PIK3CB: variants seen among roughly 807,000 people sequenced by gnomAD.
PIK3CB encodes the protein phosphatidylinositol 4,5-bisphosphate 3-kinase catalytic subunit beta isoform.
PIK3CB carries 39 observed loss-of-function variants against 136.8 expected under a neutral mutation model. The ratio of observed to expected loss-of-function variants is 0.29; its 90% CI spans 0.22 to 0.37. PIK3CB has a LOEUF of 0.37. Among genes scored for constraint, PIK3CB ranks in the 10% least tolerant of loss-of-function variants. The probability of loss-of-function intolerance (pLI) is 1.00; values close to 1 mark genes in which losing one functional copy is unlikely to be tolerated. For synonymous variants in PIK3CB, 428 were observed against 436.6 expected, an observed-to-expected ratio of 0.98 and a Z score of 0.25; for missense variants, 868 against 1,275.4, an observed-to-expected ratio of 0.68 and a Z score of 4.87.
chr3:138,718,840 G>A (rs1488511589), intron 8 of PIK3CB, among the ~76,000 whole-genome samples: 1 of 152,134 alleles, frequency 6.6e-6, no homozygotes, highest in African/African-American at 2.4e-5. Context: ...CTTTGCTGAA[G>A]ATCAGATGGT....
Position 138,704,048 on chromosome 3 carries a change from G to A in PIK3CB, c.1581+395C>T, listed in dbSNP as rs765817212. 2.6e-5 allele frequency among the ~76,000 whole-genome samples: 4 copies of A among 152,290 alleles called. No individual in the cohort carries two copies. The East Asian group carries it at 5.8e-4, about 22-fold the overall frequency. ...GAAAATACATGTTAAATATGGCAGA[G>A]CACTAAGATGGAAGAAATTTGGGTC... On this transcript the variant is annotated intron_variant, in intron 12 of 23. Transcript: ENST00000674063.
intron 2 of PIK3CB, among the ~76,000 whole-genome samples, chr3:138,766,228 G>C (rs886604334): frequency 1.4e-4 from 21 of 152,188 alleles, no homozygotes; most frequent in African/African-American, 4.8e-4. Flanking sequence ...TCAGGATAAG[G>C]CATCCTCTCC....
chr3:138,667,207 C>CAAA (rs149370978), intron 19 of PIK3CB, among the ~76,000 whole-genome samples: 14 of 72,628 alleles, frequency 1.9e-4, no homozygotes, highest in Admixed American at 5.2e-4. Flanking sequence ...GACTCTGTCT[C>CAAA]AAAAAAAAAA....
rs71146142 is a variant in PIK3CB at position 138,788,656 on chromosome 3, C to CAAA, written c.-17+7804_-17+7806dup. Among the ~76,000 whole-genome samples, 193 of 37,602 alleles carry CAAA rather than the reference C, an allele frequency of 5.1e-3. 2 individuals carry two copies. Among genetic ancestry groups the CAAA allele is most frequent in the Non-Finnish European group, 6.0e-3 (135 of 22,490 alleles). 24.7% of individuals were successfully genotyped at this position (37,602 alleles called of 152,430 possible). ...TGGGTGACAGAGCAAGACTTTGTCT[C>CAAA]AAAAAAAAAAAAAAAAAAAAAAAAG... On this transcript the variant is annotated intron_variant, in intron 2 of 23. Coordinates refer to ENST00000674063, the MANE Select transcript of PIK3CB (RefSeq NM_006219.3).
intron 4 of PIK3CB, among the ~76,000 whole-genome samples, chr3:138,744,877 CAT>C (rs1282123500): frequency 6.6e-6 from 1 of 152,202 alleles, no homozygotes; most frequent in African/African-American, 2.4e-5. Context: ...TAATTCCTCT[CAT>C]GTGGTGTTTA....
At chr3:138,689,118 T>C in intron 15 of PIK3CB, 144 bp from the exon 16 acceptor site, 1 of 601,908 alleles carries the variant, frequency 1.7e-6, no homozygotes, top group African/African-American at 1.8e-5. Context: ...CTCCCTTCCT[T>C]CCTTTTTTGA....
At chr3:138,740,727 G>C (rs114857215) in intron 5 of PIK3CB, among the ~76,000 whole-genome samples, 1 of 151,646 alleles carries the variant, frequency 6.6e-6, no homozygotes, top group Non-Finnish European at 1.5e-5. Context: ...ATCTGGGCTC[G>C]CTGCAAACTC....
At chr3:138,724,029 C>A (rs760700746) in intron 8 of PIK3CB, among the ~76,000 whole-genome samples, 3 of 152,206 alleles carry the variant, frequency 2.0e-5, no homozygotes, top group Non-Finnish European at 4.4e-5. Flanking sequence ...CTCCAACTCT[C>A]TGGACACCAA....
In PIK3CB at chr3:138,787,980, T is replaced by C. The variant is rs888985381; in HGVS notation, c.-17+8483A>G. 3.3e-5 allele frequency among the ~76,000 whole-genome samples: 5 copies of C among 150,792 alleles called. No individual in the cohort carries two copies. In the Admixed American group the frequency reaches 3.3e-4, roughly 10 times the overall value. On this transcript the variant is annotated intron_variant, in intron 2 of 23. Coordinates refer to ENST00000674063, the MANE Select transcript of PIK3CB (RefSeq NM_006219.3). Reference sequence around the variant, plus strand: ...CTCTGTCACCCAGGCTGGAGTATAGTGGTATGACCTCGGTTCAGTACAACT... The same window carrying C: ...CTCTGTCACCCAGGCTGGAGTATAGCGGTATGACCTCGGTTCAGTACAACT...
At chr3:138,789,654 A>T (rs1291323932) in intron 2 of PIK3CB, among the ~76,000 whole-genome samples, 4 of 152,024 alleles carry the variant, frequency 2.6e-5, no homozygotes, top group Non-Finnish European at 4.4e-5. Flanking sequence ...TAGACAAAAA[A>T]AATGTGGAAA....
intron 13 of PIK3CB, 64 bp from the exon 14 acceptor site, chr3:138,694,971 C>A: frequency 6.8e-7 from 1 of 1,479,000 alleles, no homozygotes. Flanking sequence ...TTTTCCTTGA[C>A]ACACAGGAGC....
At chr3:138,721,992 A>C (rs185995117) in intron 8 of PIK3CB, among the ~76,000 whole-genome samples, 1 of 152,286 alleles carries the variant, frequency 6.6e-6, no homozygotes, top group Admixed American at 6.5e-5. Context: ...TGAATATTAT[A>C]ACTGATCATG....
At chr3:138,673,456 C>T (rs545348126) in intron 19 of PIK3CB, among the ~76,000 whole-genome samples, 1 of 152,162 alleles carries the variant, frequency 6.6e-6, no homozygotes, top group Admixed American at 6.5e-5. Flanking sequence ...CGAGAACAGA[C>T]TTTTTAAAAA....
At chr3:138,685,107 G>A (rs779400840) in intron 16 of PIK3CB, 9 of 245,958 alleles carry the variant, frequency 3.7e-5, no homozygotes, top group Admixed American at 1.1e-4. Flanking sequence ...GGCCAGGTGC[G>A]CACTATGGGT....
chr3:138,825,030 C>T, intron 1 of PIK3CB: 1 of 227,766 alleles, frequency 4.4e-6, no homozygotes, highest in Non-Finnish European at 9.1e-6. Flanking sequence ...CACTGCACTC[C>T]AATCTGGGTG....
chr3:138,678,533 T>C (rs575690539), intron 19 of PIK3CB, among the ~76,000 whole-genome samples: 1 of 152,020 alleles, frequency 6.6e-6, no homozygotes, highest in Admixed American at 6.6e-5. Flanking sequence ...AATAAGTATA[T>C]AGTAATCACA....
intron 19 of PIK3CB, among the ~76,000 whole-genome samples, chr3:138,679,398 C>T (rs1342481993): frequency 6.6e-6 from 1 of 152,028 alleles, no homozygotes; most frequent in East Asian, 1.9e-4. Context: ...CGGGTTCAAG[C>T]GATCCTCTCA....
At chr3:138,730,320 G>A (rs1281421508) in intron 8 of PIK3CB, among the ~76,000 whole-genome samples, 1 of 152,136 alleles carries the variant, frequency 6.6e-6, no homozygotes, top group East Asian at 1.9e-4. Context: ...TCTGACCACT[G>A]ACAAAGGAAT....
intron 21 of PIK3CB, among the ~76,000 whole-genome samples, chr3:138,663,089 C>A (rs933133827): frequency 4.6e-5 from 7 of 152,002 alleles, no homozygotes; most frequent in African/African-American, 1.7e-4. Context: ...AGCTTCTGCA[C>A]AGCAAAAGAA....
Sources: allele counts gnomAD v4.1 joint callset (sites outside exome capture counted in the v4.1 genomes callset), GRCh38; gene constraint gnomAD v4.1.1; transcripts MANE v1.5; gene names NCBI Gene and HGNC (gene_info 2026-07-23, HGNC 2026-07-21).